The following CDKN2B-AS1 variants were observed in gnomAD, a reference collection of about 807,000 sequenced individuals.
CDKN2B-AS1 encodes CDKN2B antisense RNA 1 (non-protein coding).
At chr9:22,071,153 T>C (rs942518758) in intron 4 of CDKN2B-AS1, among the ~76,000 whole-genome samples, 1 of 151,030 alleles carries the variant, frequency 6.6e-6, no homozygotes, top group Non-Finnish European at 1.5e-5. Context: ...GAGATACATC[T>C]GGCCTCTTCA....
At chr9:22,079,250 G>A (rs1375245152) in intron 4 of CDKN2B-AS1, among the ~76,000 whole-genome samples, 1 of 152,182 alleles carries the variant, frequency 6.6e-6, no homozygotes, top group Non-Finnish European at 1.5e-5. Context: ...TTGGGAAGCC[G>A]AGGCGGGAGG....
chr9:22,021,643 T>G (rs1563927334), intron 1 of CDKN2B-AS1, among the ~76,000 whole-genome samples: 1 of 151,880 alleles, frequency 6.6e-6, no homozygotes, highest in Non-Finnish European at 1.5e-5. Flanking sequence ...TTTTTTTTTG[T>G]ATCCTGAGAC....
At chr9:22,108,896 T>G (rs1317199500) in intron 4 of CDKN2B-AS1, among the ~76,000 whole-genome samples, 1 of 152,004 alleles carries the variant, frequency 6.6e-6, no homozygotes, top group Non-Finnish European at 1.5e-5. Context: ...TTACAAAGGC[T>G]ACCAAACCTT....
At chr9:22,034,305 A>G (rs1389537137) in intron 1 of CDKN2B-AS1, among the ~76,000 whole-genome samples, 2 of 152,094 alleles carry the variant, frequency 1.3e-5, no homozygotes, top group African/African-American at 2.4e-5. Flanking sequence ...GGGTGCCTCT[A>G]TGATAGGTGG....
chr9:22,005,871 G>GCAGGCTTACAGGCTTTCCGCCGCTCC lies in CDKN2B-AS1; in HGVS notation n.29+10712_29+10737dup. 1 of 1,376,392 alleles carries GCAGGCTTACAGGCTTTCCGCCGCTCC rather than the reference G, an allele frequency of 7.3e-7. No homozygotes were observed. Among genetic ancestry groups the GCAGGCTTACAGGCTTTCCGCCGCTCC allele is most frequent in the Non-Finnish European group, 1.0e-6 (1 of 1,003,768 alleles). 85.3% of individuals were successfully genotyped at this position (1,376,392 alleles called of 1,614,324 possible). ...CTTCCTGTGAGTCTCAGACAGGCTT[G>GCAGGCTTACAGGCTTTCCGCCGCTCC]CAGGCTTACAGGCTTTCCGCCGCTC... On this transcript the variant is annotated intron_variant and non_coding_transcript_variant, in intron 1 of 4. Transcript: ENST00000650946. The surrounding 1 kb of genome is among the most constrained non-coding windows in gnomAD (Gnocchi z 4.9).
rs923978458 is a variant in CDKN2B-AS1 at position 22,040,109 on chromosome 9, C to G, written n.30-6642C>G. On this transcript the variant is annotated intron_variant and non_coding_transcript_variant, in intron 1 of 4. Coordinates refer to ENST00000650946, the Ensembl canonical transcript of CDKN2B-AS1. ...CCAGCCAACTGCTAATCTCAGACGT[C>G]TAGCTTCCAGAGCTGTGAGACAATT... Among the ~76,000 whole-genome samples the G allele has an allele frequency of 5.3e-5, 8 of 152,156 alleles. No individual in the cohort carries two copies. In the East Asian group the frequency reaches 1.6e-3, roughly 30 times the overall value.
At chr9:22,117,750 C>T (rs1825990416) in intron 4 of CDKN2B-AS1, 1 of 152,140 alleles carries the variant, frequency 6.6e-6, no homozygotes, top group Non-Finnish European at 1.5e-5. Context: ...GGGTCACACC[C>T]AAGGCAATAT....
intron 4 of CDKN2B-AS1, among the ~76,000 whole-genome samples, chr9:22,083,140 A>G (rs145556060): frequency 3.7e-4 from 57 of 152,366 alleles, no homozygotes; most frequent in African/African-American, 1.3e-3. Context: ...TATCCCATCT[A>G]AATCACATTT....
intron 4 of CDKN2B-AS1, among the ~76,000 whole-genome samples, chr9:22,105,889 G>A (rs1035137181): frequency 2.0e-5 from 3 of 152,172 alleles, no homozygotes; most frequent in Non-Finnish European, 4.4e-5. Context: ...GGTTACTTTG[G>A]TTAAGTTGTT....
rs139681780 is a variant in CDKN2B-AS1, at chr9:22,071,524, T to C, written n.438+15137T>C. ...GTAGTGCTGTCAAAAGAGCATTGCA[T>C]TGAATCAAGAATCTGGCATTCTGTG... is the stretch of plus-strand genomic sequence containing the variant. On this transcript the variant is annotated intron_variant and non_coding_transcript_variant, in intron 4 of 4. Transcript: ENST00000650946. Among the ~76,000 whole-genome samples the C allele has an allele frequency of 3.1e-3, 476 of 152,164 alleles. 4 individuals carry two copies. The highest frequency in any genetic ancestry group is 0.011 in the African/African-American group (454 of 41,510).
At chr9:22,084,772 T>C (rs540682585) in intron 4 of CDKN2B-AS1, among the ~76,000 whole-genome samples, 1 of 152,328 alleles carries the variant, frequency 6.6e-6, no homozygotes, top group African/African-American at 2.4e-5. Flanking sequence ...TTGGTAGCAC[T>C]GTAAGAATGA....
chr9:22,016,427 C>G (rs1335377157), intron 1 of CDKN2B-AS1, among the ~76,000 whole-genome samples: 4 of 152,164 alleles, frequency 2.6e-5, no homozygotes, highest in African/African-American at 9.7e-5. Flanking sequence ...TGACTTTCTT[C>G]ACAGAATTGG....
At chr9:22,072,035 G>GA (rs1363869418) in intron 4 of CDKN2B-AS1, among the ~76,000 whole-genome samples, 1 of 152,154 alleles carries the variant, frequency 6.6e-6, no homozygotes, top group Non-Finnish European at 1.5e-5. Flanking sequence ...AGGGACAGGG[G>GA]AAAGTCCTGA....
chr9:22,069,231 A>G (rs578095896), intron 4 of CDKN2B-AS1, among the ~76,000 whole-genome samples: 1 of 152,174 alleles, frequency 6.6e-6, no homozygotes, highest in Non-Finnish European at 1.5e-5. Flanking sequence ...CTCCTCTGGC[A>G]TAGTAACCTC....
intron 1 of CDKN2B-AS1, among the ~76,000 whole-genome samples, chr9:22,023,627 C>T (rs946619950): frequency 6.6e-6 from 1 of 152,038 alleles, no homozygotes; most frequent in Non-Finnish European, 1.5e-5. Context: ...CTTATAATCT[C>T]AGCTACTGGG....
chr9:22,034,758 T>A lies in CDKN2B-AS1; in HGVS notation n.30-11993T>A, dbSNP rs763156270. Among the ~76,000 whole-genome samples the A allele has an allele frequency of 2.0e-4, 31 of 152,154 alleles. 1 individual carries two copies. Among genetic ancestry groups the A allele is most frequent in the Non-Finnish European group, 4.0e-4 (27 of 68,018 alleles). On this transcript the variant is annotated intron_variant and non_coding_transcript_variant, in intron 1 of 4. Coordinates refer to ENST00000650946, the Ensembl canonical transcript of CDKN2B-AS1. ...ATCGAGTTTCTGTCACAACTACTCATCTCTGCTGTTGTAATAAAGACTCAC... is the reference window on the plus strand; with the variant it reads ...ATCGAGTTTCTGTCACAACTACTCAACTCTGCTGTTGTAATAAAGACTCAC...
chr9:22,024,800 AC>A (rs1353610441), intron 1 of CDKN2B-AS1, among the ~76,000 whole-genome samples: 1 of 152,112 alleles, frequency 6.6e-6, no homozygotes, highest in Non-Finnish European at 1.5e-5. Context: ...GGTAGCGAAC[AC>A]CCGGCTGGTG....
intron 3 of CDKN2B-AS1, among the ~76,000 whole-genome samples, chr9:22,055,450 A>G (rs1003093133): frequency 5.9e-5 from 9 of 152,188 alleles, no homozygotes; most frequent in African/African-American, 2.2e-4. Flanking sequence ...TCTGGGAGAA[A>G]AATTAGTTTA....
At chr9:22,107,659 C>G (rs1273449087) in intron 4 of CDKN2B-AS1, among the ~76,000 whole-genome samples, 1 of 152,190 alleles carries the variant, frequency 6.6e-6, no homozygotes, top group African/African-American at 2.4e-5. Flanking sequence ...TCCTGACTTT[C>G]TCCACCCAGC....
Sources: gnomAD v4.1 joint callset for allele counts (sites outside exome capture counted in the v4.1 genomes callset) on GRCh38, gnomAD v4.1.1 for gene constraint, Gnocchi (gnomAD v3.1) non-coding constraint, MANE v1.5 for transcripts, NCBI Gene and HGNC (gene_info 2026-07-23, HGNC 2026-07-21) for gene names.